The following ABTB2 variants were observed in gnomAD, a reference collection of about 807,000 sequenced individuals.
ABTB2 encodes ankyrin repeat and BTB domain containing 2.
ABTB2 carries 56 observed loss-of-function variants against 104.1 expected under a neutral mutation model. That is an observed-to-expected ratio of 0.54 (90% CI 0.43 to 0.67). ABTB2 has a LOEUF of 0.67. ABTB2 is among the 30% of genes least tolerant of loss of function. ABTB2 has a pLI of 0.00. For missense variants in ABTB2, 1,279 were observed against 1,407.7 expected, an observed-to-expected ratio of 0.91 and a Z score of 1.46; for synonymous variants, 606 against 608.2, an observed-to-expected ratio of 1.00 and a Z score of 0.05.
chr11:34,288,492 C>T (rs901550097), intron 1 of ABTB2, among the ~76,000 whole-genome samples: 1 of 152,166 alleles, frequency 6.6e-6, no homozygotes, highest in Non-Finnish European at 1.5e-5. Flanking sequence ...CCATGTGCCC[C>T]TTGCAAGTTT....
At chr11:34,165,822 T>G (rs1852793014) in intron 7 of ABTB2, among the ~76,000 whole-genome samples, 1 of 152,240 alleles carries the variant, frequency 6.6e-6, no homozygotes, top group Admixed American at 6.5e-5. Context: ...AGCCTCAGTC[T>G]TCCTCATTCA....
chr11:34,261,635 G>C (rs1266126899), intron 1 of ABTB2, among the ~76,000 whole-genome samples: 1 of 152,074 alleles, frequency 6.6e-6, no homozygotes, highest in Non-Finnish European at 1.5e-5. Context: ...AAGGGAAGAG[G>C]CCTTAAGAAA....
intron 6 of ABTB2, 70 bp from the exon 7 acceptor site, chr11:34,167,430 G>A: frequency 4.0e-6 from 5 of 1,245,186 alleles, no homozygotes; most frequent in Non-Finnish European, 5.7e-6. Flanking sequence ...CAGGGATGGT[G>A]AACCAGAGTT....
At chr11:34,177,937 C>G (rs1712035630) in intron 3 of ABTB2, among the ~76,000 whole-genome samples, 1 of 152,154 alleles carries the variant, frequency 6.6e-6, no homozygotes, top group Admixed American at 6.5e-5. Flanking sequence ...CTCACAGTTC[C>G]AGGCGCTGTC....
At chr11:34,264,106 G>A (rs557748193) in intron 1 of ABTB2, among the ~76,000 whole-genome samples, 1 of 152,322 alleles carries the variant, frequency 6.6e-6, no homozygotes, top group South Asian at 2.1e-4. Flanking sequence ...TTCTCCAGCA[G>A]GAGAAAAAGG....
chr11:34,212,290 C>T (rs867845014), intron 1 of ABTB2, among the ~76,000 whole-genome samples: 14 of 152,294 alleles, frequency 9.2e-5, no homozygotes, highest in African/African-American at 3.1e-4. Flanking sequence ...CTCCTGACCT[C>T]AAGTGATCCA....
At chr11:34,161,373 A>G (rs1467391635) in intron 10 of ABTB2, among the ~76,000 whole-genome samples, 1 of 152,232 alleles carries the variant, frequency 6.6e-6, no homozygotes, top group African/African-American at 2.4e-5. Flanking sequence ...AGGGAACTCA[A>G]GCTCTGAAAG....
At position 34,216,356 on chromosome 11, in the gene ABTB2, T is replaced by C. The variant is rs540081607; in HGVS notation, c.884-11666A>G. Among the ~76,000 whole-genome samples, 28 of 152,326 alleles carry C rather than the reference T, an allele frequency of 1.8e-4. No homozygotes were observed. The East Asian group carries it at 3.7e-3, about 20-fold the overall frequency. On this transcript the variant is annotated intron_variant, in intron 1 of 16. Coordinates refer to ENST00000435224, the MANE Select transcript of ABTB2 (RefSeq NM_145804.3). ...TCCCTGCCCAACCCCTGGCAACCAC[T>C]GATCTTTTTACTGTCTCCATAGTTT...
chr11:34,191,414 A>G (rs1853174316), intron 3 of ABTB2, among the ~76,000 whole-genome samples: 1 of 152,210 alleles, frequency 6.6e-6, no homozygotes, highest in African/African-American at 2.4e-5. Flanking sequence ...ACACACATTT[A>G]TCGTCTACCA....
At chr11:34,242,227 C>A (rs1053550541) in intron 1 of ABTB2, among the ~76,000 whole-genome samples, 4 of 152,182 alleles carry the variant, frequency 2.6e-5, no homozygotes, top group Non-Finnish European at 5.9e-5. Flanking sequence ...CTCTGGGTCA[C>A]CCCTGAGTCA....
intron 2 of ABTB2, among the ~76,000 whole-genome samples, chr11:34,201,287 G>C (rs761965462): frequency 6.6e-6 from 1 of 152,040 alleles, no homozygotes; most frequent in African/African-American, 2.4e-5. Context: ...AACCATGAAA[G>C]ACTTGATTAG....
At chr11:34,236,881 G>A (rs769496351) in intron 1 of ABTB2, among the ~76,000 whole-genome samples, 23 of 152,146 alleles carry the variant, frequency 1.5e-4, no homozygotes, top group Non-Finnish European at 2.4e-4. Flanking sequence ...TCAGGGATTC[G>A]GACTCTATTT....
intron 3 of ABTB2, among the ~76,000 whole-genome samples, chr11:34,181,706 T>C (rs546036007): frequency 3.4e-4 from 52 of 152,270 alleles, no homozygotes; most frequent in African/African-American, 1.2e-3. Flanking sequence ...CTCCCAGGGC[T>C]GGGAGGTACA....
intron 1 of ABTB2, among the ~76,000 whole-genome samples, chr11:34,318,061 G>A (rs1425318472): frequency 6.6e-6 from 1 of 151,848 alleles, no homozygotes; most frequent in African/African-American, 2.4e-5. Context: ...CCAGCTCCTG[G>A]GTTCAAGTAA....
chr11:34,248,853 G>C (rs527508905), intron 1 of ABTB2, among the ~76,000 whole-genome samples: 1 of 152,212 alleles, frequency 6.6e-6, no homozygotes, highest in Admixed American at 6.5e-5. Flanking sequence ...TACCACAGCC[G>C]GGCGCGGTGG....
Position 34,170,933 on chromosome 11 carries a change from C to CGGA in ABTB2, c.1533_1535dup (p.Pro512dup). 6.2e-7 allele frequency: 1 copy of CGGA among 1,614,162 alleles called. No homozygotes were observed. Among genetic ancestry groups the CGGA allele is most frequent in the African/African-American group, 1.3e-5 (1 of 75,054 alleles). On this transcript the variant is annotated inframe_insertion, in exon 5 of 17. Coordinates refer to ENST00000435224, the MANE Select transcript of ABTB2 (RefSeq NM_145804.3). ...GGTCATCCATGGTGTTAACCCCATC[C>CGGA]GGACCCAAGGCCTCGATGGCTTGGT...
chr11:34,334,377 G>A (rs1443538417), intron 1 of ABTB2, among the ~76,000 whole-genome samples: 2 of 152,148 alleles, frequency 1.3e-5, no homozygotes, highest in African/African-American at 4.8e-5. Flanking sequence ...TCACTTCTCA[G>A]AGCATTTTGC....
At chr11:34,270,974 T>G (rs142914682) in intron 1 of ABTB2, among the ~76,000 whole-genome samples, 1 of 152,314 alleles carries the variant, frequency 6.6e-6, no homozygotes, top group African/African-American at 2.4e-5. Flanking sequence ...AAGTTGATTC[T>G]CTTTCCTGAA....
chr11:34,204,795 A>G (rs1853388690), intron 1 of ABTB2, 105 bp from the exon 2 acceptor site: 2 of 1,313,392 alleles, frequency 1.5e-6, no homozygotes, highest in Non-Finnish European at 2.1e-6. Flanking sequence ...TGCTCTTGAC[A>G]GAGAGAGGTT....
Sources: allele counts gnomAD v4.1 joint callset (sites outside exome capture counted in the v4.1 genomes callset), GRCh38; gene constraint gnomAD v4.1.1; transcripts MANE v1.5; gene names NCBI Gene and HGNC (gene_info 2026-07-23, HGNC 2026-07-21).